Variants in ZNF22 observed in about 807,000 individuals in gnomAD.
The protein encoded by ZNF22 is krox-26 protein.
A neutral mutation model predicts 17.0 loss-of-function variants in ZNF22; 15 were observed. The ratio of observed to expected loss-of-function variants is 0.88; its 90% CI spans 0.59 to 1.36. The LOEUF is 1.36. Ranked by LOEUF, ZNF22 falls within the 40% of genes most tolerant of loss-of-function variation. The probability of loss-of-function intolerance (pLI) is 0.00; values close to 1 mark genes in which losing one functional copy is unlikely to be tolerated. For missense variants in ZNF22, 272 were observed against 276.1 expected, an observed-to-expected ratio of 0.98 and a Z score of 0.11; for synonymous variants, 84 against 90.7, an observed-to-expected ratio of 0.93 and a Z score of 0.42.
intron 1 of ZNF22, chr10:45,002,620 C>G (rs1052835066): frequency 6.6e-6 from 1 of 152,180 alleles, no homozygotes; most frequent in African/African-American, 2.4e-5. Context: ...AATAATAAAG[C>G]GTGTCTTCAT....
At chr10:45,001,789 C>T (rs996586659) in intron 1 of ZNF22, among the ~76,000 whole-genome samples, 4 of 151,978 alleles carry the variant, frequency 2.6e-5, no homozygotes, top group Non-Finnish European at 4.4e-5. Context: ...TTGCCTCATC[C>T]GTAGGTGGAT....
In ZNF22 at chr10:45,005,168, GC is replaced by G. The variant is rs1266831691; in HGVS notation, c.*1127del. 2 of 166,898 alleles carry G rather than the reference GC, an allele frequency of 1.2e-5. No individual in the cohort carries two copies. Among genetic ancestry groups the G allele is most frequent in the Non-Finnish European group, 2.9e-5 (2 of 68,128 alleles). The allele number at this position is 166,898 out of a possible 1,614,324, so 10.3% of individuals were successfully genotyped here. ...GTTTCTTCACTTCCATGAGAATGGT[GC>G]CAAGTGTCAGACTCTAATGAGCCCT... On this transcript the variant is annotated 3_prime_UTR_variant, in exon 2 of 2. Coordinates refer to ENST00000298299, the MANE Select transcript of ZNF22 (RefSeq NM_006963.5).
chr10:45,002,187 T>G (rs1344738054), intron 1 of ZNF22: 1 of 152,264 alleles, frequency 6.6e-6, no homozygotes, highest in Non-Finnish European at 1.5e-5. Context: ...GAATAATTGT[T>G]TCTATTTTAA....
At position 45,003,686 on chromosome 10, in the gene ZNF22, G is replaced by A. The variant is rs765479620; in HGVS notation, c.318G>A (p.Thr106=). The A allele has an allele frequency of 5.6e-6, 9 of 1,614,166 alleles. No individual in the cohort carries two copies. The highest frequency in any genetic ancestry group is 2.2e-5 in the East Asian group (1 of 44,890). ...SNLIQHRRIH[T]GEKPYKCDEC... ...TCATTCAGCATCGACGGATCCATACGGGGGAAAAGCCCTACAAATGTGATG... is the reference window on the plus strand; with the variant it reads ...TCATTCAGCATCGACGGATCCATACAGGGGAAAAGCCCTACAAATGTGATG... The change falls in exon 2 of 2, where the codon ACG becomes ACA. Residue 106 remains threonine, a synonymous_variant. Coordinates refer to ENST00000298299, the MANE Select transcript of ZNF22 (RefSeq NM_006963.5).
chr10:45,001,026 C>T (rs1588860046), intron 1 of ZNF22, 48 bp downstream of exon 1: 4 of 248,932 alleles, frequency 1.6e-5, no homozygotes, highest in South Asian at 1.2e-4. Flanking sequence ...GCGTCGGATA[C>T]TCGGGTCCGC....
At position 45,004,030 on chromosome 10, in the gene ZNF22, C is replaced by T. The variant is rs1474479721; in HGVS notation, c.662C>T (p.Ala221Val). The T allele has an allele frequency of 6.2e-7, 1 of 1,610,286 alleles. No homozygotes were observed. The highest frequency in any genetic ancestry group is 1.1e-5 in the South Asian group (1 of 90,744). ...WKAGTGRKSV[A>V]GLR Reference sequence around the variant, plus strand: ...GCTGGTACAGGAAGGAAGTCTGTGGCTGGTCTCCGTTAAGTATAGGGCTTT... The same window carrying T: ...GCTGGTACAGGAAGGAAGTCTGTGGTTGGTCTCCGTTAAGTATAGGGCTTT... Residue 221 changes from alanine to valine, a missense_variant, in exon 2 of 2, where the codon GCT (alanine) becomes GTT (valine). Physicochemically the swap from Ala to Val is moderately conservative, Grantham distance 64. Transcript: ENST00000298299.
In ZNF22 at chr10:45,004,976, A is replaced by C. The variant is rs572173429; in HGVS notation, c.*933A>C. 9.6e-5 allele frequency: 16 copies of C among 167,252 alleles called. No individual in the cohort carries two copies. The highest frequency in any genetic ancestry group is 3.4e-4 in the African/African-American group (14 of 41,598). The allele number at this position is 167,252 out of a possible 1,614,324, so 10.4% of individuals were successfully genotyped here. ...CTCAGCTTGCTTACTGCTTAATTAA[A>C]AACCTACAATTTACACACCTCCCTG... On this transcript the variant is annotated 3_prime_UTR_variant, in exon 2 of 2. Coordinates refer to ENST00000298299, the MANE Select transcript of ZNF22 (RefSeq NM_006963.5).
At position 45,003,673 on chromosome 10, in the gene ZNF22, G is replaced by A. The variant is rs1842351576; in HGVS notation, c.305G>A (p.Arg102Gln). Residue 102 changes from arginine to glutamine, a missense_variant, in exon 2 of 2, where the codon CGA (arginine) becomes CAA (glutamine). Transcript: ENST00000298299. ...FFQSSNLIQH[R>Q]RIHTGEKPYK... ...CAGAGTTCTAATCTCATTCAGCATC[G>A]ACGGATCCATACGGGGGAAAAGCCC... 2 of 1,614,204 alleles carry A rather than the reference G, an allele frequency of 1.2e-6. No individual in the cohort carries two copies. The highest frequency in any genetic ancestry group is 1.3e-5 in the African/African-American group (1 of 75,042).
At chr10:45,003,180 C>T (rs866805076) in intron 1 of ZNF22, 100 bp from the exon 2 acceptor site, 3 of 437,290 alleles carry the variant, frequency 6.9e-6, no homozygotes, top group Middle Eastern at 1.2e-3. Context: ...AACATGAATG[C>T]AATTTTGGTG....
Position 45,003,799 on chromosome 10 carries a change from G to C in ZNF22, c.431G>C (p.Cys144Ser). 6.2e-7 allele frequency: 1 copy of C among 1,614,194 alleles called. No homozygotes were observed. Among genetic ancestry groups the C allele is most frequent in the Middle Eastern group, 1.6e-4 (1 of 6,062 alleles). Reference sequence around the variant, plus strand: ...GAAAAACCCTATCAGTGTGATGAGTGTGGCCGGTGTTTCAGCCAGAGCTCC... The same window carrying C: ...GAAAAACCCTATCAGTGTGATGAGTCTGGCCGGTGTTTCAGCCAGAGCTCC... ...TGEKPYQCDE[C>S]GRCFSQSSHL... The change falls in exon 2 of 2, where the codon TGT (cysteine) becomes TCT (serine). Residue 144 changes from cysteine to serine, a missense_variant. Physicochemically the swap from Cys to Ser is moderately radical, Grantham distance 112. Transcript: ENST00000298299.
intron 1 of ZNF22, among the ~76,000 whole-genome samples, chr10:45,001,237 C>T (rs1324882744): frequency 3.3e-5 from 5 of 151,460 alleles, no homozygotes; most frequent in Admixed American, 3.3e-4. Context: ...GAGGCTTGGA[C>T]TGGGGGCCCG....
intron 1 of ZNF22, among the ~76,000 whole-genome samples, chr10:45,001,747 A>C (rs1006336643): frequency 3.3e-5 from 5 of 152,198 alleles, no homozygotes; most frequent in African/African-American, 1.2e-4. Flanking sequence ...CACAGAATCA[A>C]GTTACACAGT....
In ZNF22 at chr10:45,004,649, G is replaced by A. The variant is rs1453006833; in HGVS notation, c.*606G>A. Reference sequence around the variant, plus strand: ...TTATTTCTTCTCCTTGTGGACAGTTGTTAATGAAAGGAGTAAGGATTTCCC... The same window carrying A: ...TTATTTCTTCTCCTTGTGGACAGTTATTAATGAAAGGAGTAAGGATTTCCC... On this transcript the variant is annotated 3_prime_UTR_variant, in exon 2 of 2. Transcript: ENST00000298299. 1 of 166,512 alleles carries A rather than the reference G, an allele frequency of 6.0e-6. No homozygotes were observed. Among genetic ancestry groups the A allele is most frequent in the South Asian group, 2.1e-4 (1 of 4,826 alleles). 10.3% of individuals were successfully genotyped at this position (166,512 alleles called of 1,614,324 possible).
At chr10:45,003,023 TAGAC>T (rs1842346294) in intron 1 of ZNF22, 2 of 188,886 alleles carry the variant, frequency 1.1e-5, no homozygotes, top group Non-Finnish European at 2.2e-5. Context: ...CTTGTCCCAA[TAGAC>T]AGAAACTCCA....
Position 45,003,694 on chromosome 10 carries a change from AG to A in ZNF22, c.327del (p.Lys109AsnfsTer74). The A allele has an allele frequency of 5.0e-6, 8 of 1,614,234 alleles. No individual in the cohort carries two copies. Among genetic ancestry groups the A allele is most frequent in the Non-Finnish European group, 6.8e-6 (8 of 1,180,046 alleles). On this transcript the variant is annotated frameshift_variant, in exon 2 of 2. Transcript: ENST00000298299. LOFTEE classifies it high-confidence loss of function. ...CATCGACGGATCCATACGGGGGAAA[AG>A]CCCTACAAATGTGATGAGTGTGGAG... is the stretch of plus-strand genomic sequence containing the variant. ...IQHRRIHTGE[K>X]PYKCDECGES...
chr10:45,001,205 G>A (rs1022650281), intron 1 of ZNF22, among the ~76,000 whole-genome samples: 1 of 150,718 alleles, frequency 6.6e-6, no homozygotes, highest in African/African-American at 2.4e-5. Context: ...ATGAGGAGCG[G>A]CCGGCGGAGT....
At position 45,004,095 on chromosome 10, in the gene ZNF22, TA is replaced by T. The variant is rs765952782; in HGVS notation, c.*58del. 1 of 1,511,574 alleles carries T rather than the reference TA, an allele frequency of 6.6e-7. No homozygotes were observed. The highest frequency in any genetic ancestry group is 2.3e-5 in the East Asian group (1 of 44,054). The allele number at this position is 1,511,574 out of a possible 1,614,324, so 93.6% of individuals were successfully genotyped here. ...AGACCTCTTAAGAAAAAATAAAAAG[TA>T]AAAAATGAAAGGAATCTTTTTTAGA... is the stretch of plus-strand genomic sequence containing the variant. On this transcript the variant is annotated 3_prime_UTR_variant, in exon 2 of 2. Transcript: ENST00000298299.
chr10:45,002,080 A>G (rs1842338405), intron 1 of ZNF22: 1 of 152,230 alleles, frequency 6.6e-6, no homozygotes, highest in African/African-American at 2.4e-5. Flanking sequence ...TCCTGGACCT[A>G]AAGTCTCAAT....
rs1842350225 is a variant in ZNF22 at position 45,003,485 on chromosome 10, T to C, written c.117T>C (p.Phe39=). The C allele has an allele frequency of 6.2e-7, 1 of 1,614,252 alleles. No individual in the cohort carries two copies. Among genetic ancestry groups the C allele is most frequent in the South Asian group, 1.1e-5 (1 of 91,088 alleles). ...QRQKWGMTIR[F]DSSFSRLRRS... Reference sequence around the variant, plus strand: ...AGAAGTGGGGCATGACTATTCGATTTGACTCAAGCTTCAGTAGACTCAGAA... The same window carrying C: ...AGAAGTGGGGCATGACTATTCGATTCGACTCAAGCTTCAGTAGACTCAGAA... The change falls in exon 2 of 2, where the codon TTT becomes TTC. Residue 39 remains phenylalanine (F), a synonymous_variant. Transcript: ENST00000298299.
Sources: gnomAD v4.1 joint callset for allele counts (sites outside exome capture counted in the v4.1 genomes callset) on GRCh38, gnomAD v4.1.1 for gene constraint, MANE v1.5 for transcripts, NCBI Gene and HGNC (gene_info 2026-07-23, HGNC 2026-07-21) for gene names.